TRAPPC9: variants seen among roughly 807,000 people sequenced by gnomAD.
The protein encoded by TRAPPC9 is IKK2 binding protein.
TRAPPC9 carries 83 observed loss-of-function variants against 124.0 expected under a neutral mutation model. That is an observed-to-expected ratio of 0.67 (90% CI 0.56 to 0.80). The LOEUF (loss-of-function observed/expected upper bound fraction) is 0.80, where lower values mean the gene tolerates loss of function less well. TRAPPC9 is among the 30% of genes least tolerant of loss of function. The pLI is 0.00. For missense variants in TRAPPC9, 1,302 were observed against 1,508.3 expected, an observed-to-expected ratio of 0.86 and a Z score of 2.27; for synonymous variants, 638 against 617.5, an observed-to-expected ratio of 1.03 and a Z score of -0.49.
intron 8 of TRAPPC9, among the ~76,000 whole-genome samples, chr8:140,361,820 G>A (rs1315732899): frequency 1.3e-5 from 2 of 152,120 alleles, no homozygotes; most frequent in African/African-American, 4.8e-5. Flanking sequence ...CCAGGACAGG[G>A]CCTGACGTGA....
chr8:139,808,928 C>T (rs528239296), intron 21 of TRAPPC9, among the ~76,000 whole-genome samples: 8 of 152,178 alleles, frequency 5.3e-5, no homozygotes, highest in Non-Finnish European at 8.8e-5. Context: ...AATGCTGCCA[C>T]AAACAGGCAC....
At chr8:139,755,501 TA>T (rs1299141160) in intron 21 of TRAPPC9, among the ~76,000 whole-genome samples, 1 of 42,760 alleles carries the variant, frequency 2.3e-5, no homozygotes, top group African/African-American at 1.6e-4. Flanking sequence ...AGGGTTGGGG[TA>T]TAAGGACAGC....
chr8:140,405,684 T>G lies in TRAPPC9; in HGVS notation c.901A>C (p.Asn301His). ...GTACTGGTGTCAGGGTTGATGCCAT[T>G]GGTGGTGAGGGCACCTGCAAACCAA... ...VLIDPGALTT[N>H]GINPDTSTEI... Residue 301 changes from asparagine to histidine, a missense_variant, in exon 6 of 23, where the codon AAT becomes CAT. Around this residue, in one of 3 missense-constraint regions of TRAPPC9, gnomAD observed 657 missense variants for 811.2 expected, o/e 0.81. Transcript: ENST00000438773. The G allele has an allele frequency of 6.2e-7, 1 of 1,614,202 alleles. No individual in the cohort carries two copies. The highest frequency in any genetic ancestry group is 2.2e-5 in the East Asian group (1 of 44,878).
intron 17 of TRAPPC9, among the ~76,000 whole-genome samples, chr8:140,041,691 G>A (rs1306726975): frequency 6.6e-6 from 1 of 152,240 alleles, no homozygotes; most frequent in Non-Finnish European, 1.5e-5. Context: ...CAGCTTCTGG[G>A]CCAAGCGCAG....
intron 21 of TRAPPC9, among the ~76,000 whole-genome samples, chr8:139,829,440 T>C (rs1825835805): frequency 6.6e-6 from 1 of 152,238 alleles, no homozygotes; most frequent in Admixed American, 6.5e-5. Flanking sequence ...CCACCTGACA[T>C]GGGTCTCCCA....
chr8:139,825,266 G>A lies in TRAPPC9; in HGVS notation c.3055+60613C>T, dbSNP rs1825543327. 6.6e-6 allele frequency among the ~76,000 whole-genome samples: 1 copy of A among 152,222 alleles called. No individual in the cohort carries two copies. Among genetic ancestry groups the A allele is most frequent in the Non-Finnish European group, 1.5e-5 (1 of 68,034 alleles). ...ACGGCTCCTGTCTTTCAGGGAACTA[G>A]CCACTCCTCTGGGACCTGCAGCCAC... On this transcript the variant is annotated intron_variant, in intron 21 of 22. Transcript: ENST00000438773. The surrounding 1 kb of genome is among the most constrained non-coding windows in gnomAD (Gnocchi z 4.6).
At chr8:140,293,074 G>C (rs112715518) in intron 11 of TRAPPC9, among the ~76,000 whole-genome samples, 2,665 of 132,362 alleles carry the variant, frequency 0.02, 73 homozygotes, top group Middle Eastern at 0.044. Context: ...AGACACTTCT[G>C]AAAAGAAGAC....
chr8:140,255,660 C>A (rs1384523092), intron 15 of TRAPPC9, among the ~76,000 whole-genome samples: 1 of 152,198 alleles, frequency 6.6e-6, no homozygotes, highest in African/African-American at 2.4e-5. Context: ...CCAAGGCGGG[C>A]AGATCACCTG....
intron 19 of TRAPPC9, among the ~76,000 whole-genome samples, chr8:139,921,877 C>T (rs951166371): frequency 4.7e-5 from 7 of 150,364 alleles, no homozygotes; most frequent in Non-Finnish European, 8.9e-5. Flanking sequence ...TCTGGGAGTG[C>T]ACACCTGCCC....
At chr8:140,051,528 C>A (rs4471014) in intron 17 of TRAPPC9, among the ~76,000 whole-genome samples, 1 of 61,440 alleles carries the variant, frequency 1.6e-5, no homozygotes, top group East Asian at 5.3e-4. Flanking sequence ...AAGAAACAGG[C>A]TTCCTCCTCC....
intron 21 of TRAPPC9, among the ~76,000 whole-genome samples, chr8:139,851,927 C>A (rs1321990712): frequency 2.0e-5 from 3 of 152,098 alleles, no homozygotes; most frequent in Admixed American, 2.0e-4. Flanking sequence ...ACAGATGCTC[C>A]TGGAGGGTCT....
intron 17 of TRAPPC9, among the ~76,000 whole-genome samples, chr8:140,150,310 G>C (rs1220685974): frequency 6.6e-6 from 1 of 152,154 alleles, no homozygotes; most frequent in Admixed American, 6.5e-5. Flanking sequence ...TTAGCCAGGT[G>C]TGGTGGCAGG....
chr8:139,906,467 G>A (rs1397221344), intron 20 of TRAPPC9, among the ~76,000 whole-genome samples: 1 of 152,188 alleles, frequency 6.6e-6, no homozygotes, highest in African/African-American at 2.4e-5. Flanking sequence ...ATCACACGTG[G>A]GGTCTGAGGG....
At chr8:139,820,007 C>CAAAACA (rs1491434905) in intron 21 of TRAPPC9, among the ~76,000 whole-genome samples, 2 of 51,810 alleles carry the variant, frequency 3.9e-5, no homozygotes, top group Non-Finnish European at 6.6e-5. Flanking sequence ...GACTCTGTCT[C>CAAAACA]AAAAAAAAAA....
rs562825086 is a variant in TRAPPC9, at chr8:139,905,586, C to T, written c.2964+4561G>A. ...GAAGGTGGCCATGACCAAGGTCACC[C>T]GGGGCAGGGACTGGTGGGAGAATGG... is the stretch of plus-strand genomic sequence containing the variant. On this transcript the variant is annotated intron_variant, in intron 20 of 22. Transcript: ENST00000438773. Among the ~76,000 whole-genome samples the T allele has an allele frequency of 5.3e-5, 8 of 152,146 alleles. No homozygotes were observed. In the South Asian group the frequency reaches 6.3e-4, roughly 12 times the overall value.
intron 21 of TRAPPC9, among the ~76,000 whole-genome samples, chr8:139,756,439 T>C: frequency 8.3e-6 from 1 of 119,920 alleles, no homozygotes; most frequent in East Asian, 2.6e-4. Context: ...GGTTTGGGGA[T>C]GAGGACAGCA....
intron 17 of TRAPPC9, among the ~76,000 whole-genome samples, chr8:140,141,802 C>T (rs1423890744): frequency 6.6e-6 from 1 of 152,242 alleles, no homozygotes; most frequent in Non-Finnish European, 1.5e-5. Flanking sequence ...CAGTGGCTAC[C>T]TAGCTACCTT....
chr8:140,373,390 C>T (rs749801187), intron 7 of TRAPPC9, among the ~76,000 whole-genome samples: 12 of 152,328 alleles, frequency 7.9e-5, no homozygotes, highest in Non-Finnish European at 1.3e-4. Flanking sequence ...CCTCCACAGC[C>T]ACATCTGGCT....
intron 18 of TRAPPC9, among the ~76,000 whole-genome samples, chr8:140,008,229 G>A (rs1267184939): frequency 6.6e-6 from 1 of 152,260 alleles, no homozygotes; most frequent in Non-Finnish European, 1.5e-5. Context: ...AATTGACTGT[G>A]ATGGCAATTT....
Sources: gnomAD v4.1 joint callset for allele counts (sites outside exome capture counted in the v4.1 genomes callset) on GRCh38, gnomAD v4.1.1 for gene constraint, gnomAD v4.1.1 regional missense constraint, Gnocchi (gnomAD v3.1) non-coding constraint, MANE v1.5 for transcripts, NCBI Gene and HGNC (gene_info 2026-07-23, HGNC 2026-07-21) for gene names.